SH3GL3: variants seen among roughly 807,000 people sequenced by gnomAD.
SH3GL3 encodes SH3 domain containing GRB2 like 3, endophilin A3.
Under a neutral mutation model 47.7 loss-of-function variants are expected in SH3GL3, and 33 were observed. That is an observed-to-expected ratio of 0.69 (90% CI 0.52 to 0.92). The LOEUF is 0.92. SH3GL3 is among the 40% of genes least tolerant of loss of function. SH3GL3 has a pLI of 0.00. For missense variants in SH3GL3, 363 were observed against 417.8 expected (o/e 0.87, Z 1.14); for synonymous variants, 155 against 148.8 (o/e 1.04, Z -0.30).
chr15:83,491,641 T>G (rs572303446), intron 1 of SH3GL3, among the ~76,000 whole-genome samples: 1 of 152,318 alleles, frequency 6.6e-6, no homozygotes, highest in Admixed American at 6.5e-5. Flanking sequence ...TGAAAGGTGC[T>G]GTAAGGAGTG....
In SH3GL3 at chr15:83,607,266, G is replaced by T. The variant is rs1402758100; in HGVS notation, c.839-10816G>T. Among the ~76,000 whole-genome samples the T allele has an allele frequency of 1.3e-5, 2 of 152,146 alleles. 1 individual carries two copies. The highest frequency in any genetic ancestry group is 2.9e-5 in the Non-Finnish European group (2 of 68,032). On this transcript the variant is annotated intron_variant, in intron 8 of 8. Transcript: ENST00000427482. ...TACCATCATCTAAATATTAATTTAT[G>T]TACTTGTTTTAAAAAATACGGTAGA...
chr15:83,550,351 A>G (rs914070374), intron 1 of SH3GL3, among the ~76,000 whole-genome samples: 5 of 152,266 alleles, frequency 3.3e-5, no homozygotes, highest in African/African-American at 9.6e-5. Context: ...TCTTACATAT[A>G]TGTGCCCCTT....
chr15:83,517,965 G>C (rs2043054914), intron 1 of SH3GL3, among the ~76,000 whole-genome samples: 1 of 152,034 alleles, frequency 6.6e-6, no homozygotes, highest in Non-Finnish European at 1.5e-5. Context: ...CGAGTACCCA[G>C]TGTTTAGCTC....
intron 1 of SH3GL3, among the ~76,000 whole-genome samples, chr15:83,527,936 A>G (rs2043498538): frequency 6.6e-6 from 1 of 152,080 alleles, no homozygotes; most frequent in Middle Eastern, 3.4e-3. Context: ...TCATACTCTC[A>G]CTTCCAGATT....
chr15:83,592,382 T>C lies in SH3GL3; in HGVS notation c.838+3611T>C, dbSNP rs909515201. 3.9e-5 allele frequency among the ~76,000 whole-genome samples: 6 copies of C among 152,226 alleles called. No homozygotes were observed. The East Asian group carries it at 7.7e-4, about 20-fold the overall frequency. On this transcript the variant is annotated intron_variant, in intron 8 of 8. Coordinates refer to ENST00000427482, the MANE Select transcript of SH3GL3 (RefSeq NM_003027.5). ...TTCCCTGCTCTTATTTTAAATTGCC[T>C]ACTCACGGATGAAAATGTGAGCAGG... is the stretch of plus-strand genomic sequence containing the variant.
At chr15:83,491,439 A>G (rs2041871063) in intron 1 of SH3GL3, among the ~76,000 whole-genome samples, 1 of 152,192 alleles carries the variant, frequency 6.6e-6, no homozygotes, top group Admixed American at 6.5e-5. Flanking sequence ...TGTCTGCATT[A>G]CAGTGCAGTA....
intron 1 of SH3GL3, among the ~76,000 whole-genome samples, chr15:83,473,525 C>T (rs2040934460): frequency 6.6e-6 from 1 of 150,988 alleles, no homozygotes; most frequent in African/African-American, 2.4e-5. Flanking sequence ...GGTCCCTTGG[C>T]TAGAGAGAGC....
At chr15:83,549,920 A>AC in intron 1 of SH3GL3, among the ~76,000 whole-genome samples, 1 of 151,824 alleles carries the variant, frequency 6.6e-6, no homozygotes, top group South Asian at 2.1e-4. Context: ...TAGATGTATC[A>AC]CTCCCCTCAA....
chr15:83,556,779 G>A (rs1035493135), intron 1 of SH3GL3, among the ~76,000 whole-genome samples: 1 of 152,198 alleles, frequency 6.6e-6, no homozygotes, highest in African/African-American at 2.4e-5. Flanking sequence ...CAGCAATTTG[G>A]GCTGGGAGCA....
At chr15:83,578,692 G>A (rs1348480577) in intron 6 of SH3GL3, among the ~76,000 whole-genome samples, 1 of 151,526 alleles carries the variant, frequency 6.6e-6, no homozygotes, top group Admixed American at 6.6e-5. Flanking sequence ...TTGGGAAATA[G>A]GAGGAGGTGT....
intron 1 of SH3GL3, among the ~76,000 whole-genome samples, chr15:83,481,169 G>C (rs2041335571): frequency 6.6e-6 from 1 of 151,872 alleles, no homozygotes; most frequent in African/African-American, 2.4e-5. Flanking sequence ...CAGCTAGTCG[G>C]GAGGCTGAAG....
intron 8 of SH3GL3, among the ~76,000 whole-genome samples, chr15:83,614,667 C>G (rs1472153347): frequency 6.6e-6 from 1 of 152,172 alleles, no homozygotes. Flanking sequence ...AAGTTGAGAA[C>G]CACTGCCATA....
chr15:83,563,463 C>T (rs944167948), intron 2 of SH3GL3, among the ~76,000 whole-genome samples: 1 of 152,288 alleles, frequency 6.6e-6, no homozygotes, highest in Non-Finnish European at 1.5e-5. Flanking sequence ...TCTCCAAAAA[C>T]GTATCATTTT....
At chr15:83,553,869 A>G (rs888918932) in intron 1 of SH3GL3, among the ~76,000 whole-genome samples, 2 of 152,138 alleles carry the variant, frequency 1.3e-5, no homozygotes, top group Admixed American at 6.5e-5. Flanking sequence ...ATTTACCACC[A>G]TAGTTTCTCA....
chr15:83,525,347 T>TGTGC (rs914474051), intron 1 of SH3GL3, among the ~76,000 whole-genome samples: 3 of 92,942 alleles, frequency 3.2e-5, no homozygotes, highest in East Asian at 7.4e-4. Context: ...TGAGATTCTT[T>TGTGC]GTGCGTGTGT....
chr15:83,464,897 C>T (rs893042385), intron 1 of SH3GL3, among the ~76,000 whole-genome samples: 1 of 151,920 alleles, frequency 6.6e-6, no homozygotes. Context: ...CAGTGGCTCA[C>T]ACCTGTAATC....
At chr15:83,489,514 T>A (rs1161532814) in intron 1 of SH3GL3, among the ~76,000 whole-genome samples, 1 of 152,198 alleles carries the variant, frequency 6.6e-6, no homozygotes, top group African/African-American at 2.4e-5. Flanking sequence ...AGCCAGCATT[T>A]GACAGCCCAA....
chr15:83,511,373 C>T (rs1375531542), intron 1 of SH3GL3, among the ~76,000 whole-genome samples: 1 of 151,946 alleles, frequency 6.6e-6, no homozygotes, highest in Non-Finnish European at 1.5e-5. Context: ...TCAAAGTGTT[C>T]GCTGGTTCTT....
At chr15:83,462,889 C>T (rs151076285) in intron 1 of SH3GL3, among the ~76,000 whole-genome samples, 16 of 152,274 alleles carry the variant, frequency 1.1e-4, no homozygotes, top group Middle Eastern at 6.8e-3. Flanking sequence ...AATCACCTGC[C>T]CCTGATGTTG....
Sources: allele counts gnomAD v4.1 joint callset (sites outside exome capture counted in the v4.1 genomes callset), GRCh38; gene constraint gnomAD v4.1.1; transcripts MANE v1.5; gene names NCBI Gene and HGNC (gene_info 2026-07-23, HGNC 2026-07-21).